The following NAV2 variants were observed in gnomAD, a reference collection of about 807,000 sequenced individuals.
The protein encoded by NAV2 is neuron navigator 2, also known as helicase, APC down-regulated 1.
In NAV2, 54 loss-of-function variants were observed where a neutral mutation model predicts 223.2. That is an observed-to-expected ratio of 0.24 (90% CI 0.19 to 0.30). The LOEUF is 0.30. Ranked by LOEUF, NAV2 falls within the 10% of genes least tolerant of loss-of-function variation. NAV2 has a pLI of 1.00. For missense variants in NAV2, 2,806 were observed against 3,147.5 expected, an observed-to-expected ratio of 0.89 and a Z score of 2.60; for synonymous variants, 1,279 against 1,239.3, an observed-to-expected ratio of 1.03 and a Z score of -0.67.
chr11:20,023,668 CT>C (rs1367397139), intron 11 of NAV2, among the ~76,000 whole-genome samples: 1 of 147,224 alleles, frequency 6.8e-6, no homozygotes, highest in Non-Finnish European at 1.5e-5. Flanking sequence ...TCCTGGTGAA[CT>C]TGTGGTTGTG....
At chr11:19,739,028 A>C (rs1423908807) in intron 1 of NAV2, among the ~76,000 whole-genome samples, 1 of 152,184 alleles carries the variant, frequency 6.6e-6, no homozygotes, top group Non-Finnish European at 1.5e-5. Flanking sequence ...AAAAAATACA[A>C]AAATTAGCTG....
chr11:19,968,411 G>A (rs2048952905), intron 10 of NAV2, among the ~76,000 whole-genome samples: 1 of 151,992 alleles, frequency 6.6e-6, no homozygotes, highest in African/African-American at 2.4e-5. Context: ...GTAGAGACGG[G>A]GTTTCACCAT....
At chr11:19,897,886 TTATATATATA>T (rs10524489) in intron 6 of NAV2, among the ~76,000 whole-genome samples, 1 of 120,660 alleles carries the variant, frequency 8.3e-6, no homozygotes, top group East Asian at 3.4e-4. Context: ...GACCTGTGAT[TTATATATATA>T]TATATATATG....
At chr11:20,105,752 G>T (rs1464625756) in intron 35 of NAV2, 25 bp downstream of exon 35, 20 of 1,593,926 alleles carry the variant, frequency 1.3e-5, no homozygotes, top group Admixed American at 1.7e-5. Context: ...GGGGTCAGGG[G>T]GGCGGGCTGG....
intron 37 of NAV2, among the ~76,000 whole-genome samples, chr11:20,116,705 C>T (rs1475141563): frequency 6.6e-6 from 1 of 152,214 alleles, no homozygotes; most frequent in Non-Finnish European, 1.5e-5. Flanking sequence ...CTCCTTCCAA[C>T]CCCAGGCCCC....
intron 1 of NAV2, among the ~76,000 whole-genome samples, chr11:19,693,838 G>A (rs575032401): frequency 3.3e-5 from 5 of 152,300 alleles, no homozygotes; most frequent in South Asian, 2.1e-4. Context: ...AGTAGACTAC[G>A]GTCTTCTTTA....
chr11:19,786,630 G>T (rs562290760), intron 1 of NAV2, among the ~76,000 whole-genome samples: 76 of 152,214 alleles, frequency 5.0e-4, no homozygotes, highest in Non-Finnish European at 9.1e-4. Flanking sequence ...TCTCCTGTGG[G>T]AGAGTGACTT....
At chr11:19,555,446 TG>T (rs111884300) in intron 1 of NAV2, among the ~76,000 whole-genome samples, 13 of 151,678 alleles carry the variant, frequency 8.6e-5, no homozygotes, top group South Asian at 4.2e-4. Context: ...CTCCCAGACC[TG>T]GGGGGGGCTC....
intron 1 of NAV2, among the ~76,000 whole-genome samples, chr11:19,783,660 C>T (rs1435135045): frequency 6.6e-6 from 1 of 152,140 alleles, no homozygotes; most frequent in African/African-American, 2.4e-5. Flanking sequence ...TCCCTCCTAG[C>T]TCTGCCAATG....
chr11:19,683,195 G>T (rs2048925070), intron 1 of NAV2, among the ~76,000 whole-genome samples: 1 of 152,230 alleles, frequency 6.6e-6, no homozygotes, highest in Non-Finnish European at 1.5e-5. Context: ...AGTTTGGGAA[G>T]TCATCAGTGG....
chr11:19,563,112 G>T (rs571168211), intron 1 of NAV2, among the ~76,000 whole-genome samples: 2 of 152,302 alleles, frequency 1.3e-5, no homozygotes, highest in African/African-American at 4.8e-5. Context: ...GAAAACAAAA[G>T]AAATACAAAA....
At chr11:20,098,785 A>G (rs2061445901) in intron 31 of NAV2, among the ~76,000 whole-genome samples, 2 of 152,238 alleles carry the variant, frequency 1.3e-5, no homozygotes, top group South Asian at 4.1e-4. Flanking sequence ...GCTGTAACAA[A>G]AAAGGAAATG....
chr11:19,735,938 C>T (rs1052341434), intron 1 of NAV2, among the ~76,000 whole-genome samples: 1 of 152,216 alleles, frequency 6.6e-6, no homozygotes, highest in African/African-American at 2.4e-5. Context: ...GTGCCATGTG[C>T]TGCCATCTGC....
At chr11:19,361,519 G>T (rs1853942019) in intron 1 of NAV2, among the ~76,000 whole-genome samples, 1 of 151,982 alleles carries the variant, frequency 6.6e-6, no homozygotes, top group Non-Finnish European at 1.5e-5. Flanking sequence ...GGATCCTTCT[G>T]CACAGAAGGT....
intron 1 of NAV2, among the ~76,000 whole-genome samples, chr11:19,785,096 C>T (rs987672853): frequency 4.6e-5 from 7 of 152,124 alleles, no homozygotes; most frequent in African/African-American, 1.4e-4. Context: ...TAAATGTTAC[C>T]GATCGGGTAG....
intron 29 of NAV2, 41 bp downstream of exon 29, chr11:20,093,240 C>T: frequency 7.6e-7 from 1 of 1,318,028 alleles, no homozygotes; most frequent in Non-Finnish European, 1.1e-6. Flanking sequence ...GTCCCTCCCC[C>T]AGGTAGAACT....
chr11:19,760,371 T>G (rs2054632043), intron 1 of NAV2, among the ~76,000 whole-genome samples: 1 of 152,228 alleles, frequency 6.6e-6, no homozygotes, highest in African/African-American at 2.4e-5. Context: ...CAGCATCATA[T>G]TATGGTTTAG....
At chr11:19,531,679 A>T (rs1415972279) in intron 1 of NAV2, among the ~76,000 whole-genome samples, 2 of 152,144 alleles carry the variant, frequency 1.3e-5, no homozygotes, top group African/African-American at 4.8e-5. Flanking sequence ...TGTGTTTGAG[A>T]TGTCTATTAC....
chr11:19,704,999 A>C lies in NAV2; in HGVS notation c.76-127485A>C, dbSNP rs186255223. 1.6e-3 allele frequency among the ~76,000 whole-genome samples: 242 copies of C among 146,758 alleles called. 1 individual carries two copies. The highest frequency in any genetic ancestry group is 6.0e-3 in the African/African-American group (235 of 39,446). ...GCACTCCAGCCTGGGCGACAGAGTGAGACTCCGTCTCAAAAAAAAAAAAAA... is the reference window on the plus strand; with the variant it reads ...GCACTCCAGCCTGGGCGACAGAGTGCGACTCCGTCTCAAAAAAAAAAAAAA... On this transcript the variant is annotated intron_variant, in intron 1 of 37. Coordinates refer to the NAV2 transcript ENST00000360655.
Sources: allele counts gnomAD v4.1 joint callset (sites outside exome capture counted in the v4.1 genomes callset), GRCh38; gene constraint gnomAD v4.1.1; transcripts MANE v1.5; gene names NCBI Gene and HGNC (gene_info 2026-07-23, HGNC 2026-07-21).